The following RALGAPB variants were observed in gnomAD, a reference collection of about 807,000 sequenced individuals.
The protein encoded by RALGAPB is ral GTPase-activating protein subunit beta.
In RALGAPB, 25 loss-of-function variants were observed where a neutral mutation model predicts 161.1. The observed-to-expected ratio is 0.16, with a 90% CI of 0.11 to 0.22. RALGAPB has a LOEUF of 0.22. Among genes scored for constraint, RALGAPB ranks in the 10% least tolerant of loss-of-function variants. RALGAPB has a pLI of 1.00. For missense variants in RALGAPB, 1,391 were observed against 1,815.2 expected (o/e 0.77, Z 4.25); for synonymous variants, 629 against 626.1 (o/e 1.00, Z -0.07).
chr20:38,497,674 A>G (rs2085466895), intron 4 of RALGAPB, among the ~76,000 whole-genome samples, 158 bp downstream of exon 4: 1 of 152,230 alleles, frequency 6.6e-6, no homozygotes, highest in South Asian at 2.1e-4. Context: ...CAGGCACAAT[A>G]TAACTTTAGC....
At position 38,513,527 on chromosome 20, in the gene RALGAPB, G is replaced by A. The variant is rs553651321; in HGVS notation, c.873-2665G>A. On this transcript the variant is annotated intron_variant, in intron 6 of 29. Transcript: ENST00000262879. ...ATTAGCTGAGTATAGTGGTGCACCT[G>A]TAATCCTAGCTACTCAGGAGGCTGA... Among the ~76,000 whole-genome samples, 112 of 152,018 alleles carry A rather than the reference G, an allele frequency of 7.4e-4. 1 individual carries two copies. The highest frequency in any genetic ancestry group is 2.6e-3 in the African/African-American group (106 of 41,466).
intron 26 of RALGAPB, 106 bp downstream of exon 26, chr20:38,567,338 A>G (rs747937776): frequency 6.5e-6 from 9 of 1,384,452 alleles, no homozygotes; most frequent in Middle Eastern, 1.9e-4. Flanking sequence ...ATATCAGAGT[A>G]CTGATTCCTT....
chr20:38,558,184 T>G, intron 22 of RALGAPB, 111 bp from the exon 23 acceptor site: 3 of 922,988 alleles, frequency 3.3e-6, no homozygotes, highest in Admixed American at 6.0e-5. Flanking sequence ...ATTCCTACCA[T>G]TCTATATTTT....
chr20:38,558,261 G>A, intron 22 of RALGAPB, 34 bp from the exon 23 acceptor site: 3 of 1,445,692 alleles, frequency 2.1e-6, no homozygotes, highest in Non-Finnish European at 2.8e-6. Flanking sequence ...AAAGAAAATA[G>A]GTAATAATTG....
At chr20:38,499,420 A>G in intron 4 of RALGAPB, 27 bp from the exon 5 acceptor site, 1 of 1,551,070 alleles carries the variant, frequency 6.4e-7, no homozygotes, top group Non-Finnish European at 8.7e-7. Context: ...AAGTTTGCCA[A>G]AGATGTGTTT....
chr20:38,544,598 C>G (rs1601004425), intron 18 of RALGAPB, among the ~76,000 whole-genome samples: 1 of 152,074 alleles, frequency 6.6e-6, no homozygotes, highest in Non-Finnish European at 1.5e-5. Flanking sequence ...TTCCCGAGTA[C>G]CTGGGACTAC....
chr20:38,517,598 C>T lies in RALGAPB; in HGVS notation c.1144C>T (p.His382Tyr), dbSNP rs1349483644. The part of the protein sequence containing the change: ...QSAAVSTTPP[H>Y]NRRHRAVTVN... ...TGCTGCTGTCAGTACCACCCCCCCACATAACCGGAGGCACCGGGCTGTTAC... is the reference window on the plus strand; with the variant it reads ...TGCTGCTGTCAGTACCACCCCCCCATATAACCGGAGGCACCGGGCTGTTAC... The change falls in exon 8 of 30, where the codon CAT (histidine) becomes TAT (tyrosine). Residue 382 changes from histidine (H) to tyrosine (Y), a missense_variant. Physicochemically the swap from His to Tyr is moderately conservative, Grantham distance 83 (BLOSUM62 2). Transcript: ENST00000262879. The T allele has an allele frequency of 1.2e-6, 2 of 1,613,966 alleles. No individual in the cohort carries two copies. Among genetic ancestry groups the T allele is most frequent in the East Asian group, 2.2e-5 (1 of 44,888 alleles).
chr20:38,565,618 C>A, intron 25 of RALGAPB, 140 bp downstream of exon 25: 1 of 1,008,340 alleles, frequency 9.9e-7, no homozygotes, highest in Non-Finnish European at 1.4e-6. Context: ...TATGCAGAAG[C>A]ACAAGATGTC....
chr20:38,514,975 G>T (rs1329226465), intron 6 of RALGAPB, among the ~76,000 whole-genome samples: 1 of 152,164 alleles, frequency 6.6e-6, no homozygotes, highest in Non-Finnish European at 1.5e-5. Context: ...ATCATTCCTG[G>T]TTTACCTCTG....
intron 2 of RALGAPB, among the ~76,000 whole-genome samples, chr20:38,489,914 G>A (rs1464874032): frequency 6.6e-6 from 1 of 152,062 alleles, no homozygotes; most frequent in African/African-American, 2.4e-5. Flanking sequence ...GGAAGAGATG[G>A]TACGTGAGTA....
At chr20:38,493,652 A>G (rs1264209053) in intron 3 of RALGAPB, among the ~76,000 whole-genome samples, 1 of 152,236 alleles carries the variant, frequency 6.6e-6, no homozygotes, top group African/African-American at 2.4e-5. Context: ...AAGGAGCAGT[A>G]GAACATGTTT....
In RALGAPB at chr20:38,565,495, A is replaced by G. The variant is rs2087962996; in HGVS notation, c.3817+17A>G. The G allele has an allele frequency of 3.1e-6, 5 of 1,611,820 alleles. No homozygotes were observed. The highest frequency in any genetic ancestry group is 4.2e-6 in the Non-Finnish European group (5 of 1,178,702). On this transcript the variant is annotated intron_variant, in intron 25 of 29. Coordinates refer to ENST00000262879, the MANE Select transcript of RALGAPB (RefSeq NM_020336.4). ...AGTCCTTAAGTAAGATGATTTTTGC[A>G]TGGTCCTGTTTTAGGATCTATTTTT...
At chr20:38,570,298 C>T (rs749469428) in intron 27 of RALGAPB, among the ~76,000 whole-genome samples, 2 of 152,178 alleles carry the variant, frequency 1.3e-5, no homozygotes, top group African/African-American at 4.8e-5. Context: ...TCTCAGTCAT[C>T]CCAGGACCTT....
At chr20:38,556,978 A>G (rs1440192954) in intron 22 of RALGAPB, among the ~76,000 whole-genome samples, 1 of 152,210 alleles carries the variant, frequency 6.6e-6, no homozygotes, top group African/African-American at 2.4e-5. Context: ...GTCTTTTATT[A>G]GAATATTGCC....
At chr20:38,524,643 T>G (rs1228295127) in intron 10 of RALGAPB, 135 bp from the exon 11 acceptor site, 11 of 683,432 alleles carry the variant, frequency 1.6e-5, no homozygotes, top group Non-Finnish European at 2.0e-5. Context: ...TTCCAGTAAT[T>G]CCAATAATGT....
chr20:38,574,645 G>A, intron 29 of RALGAPB, 129 bp from the exon 30 acceptor site: 1 of 900,430 alleles, frequency 1.1e-6, no homozygotes, highest in Non-Finnish European at 1.7e-6. Flanking sequence ...TATCTCTCTG[G>A]GGATGGGAAG....
intron 2 of RALGAPB, among the ~76,000 whole-genome samples, chr20:38,492,208 C>T (rs1455032111): frequency 6.6e-6 from 1 of 152,166 alleles, no homozygotes; most frequent in Non-Finnish European, 1.5e-5. Flanking sequence ...TTTTTATAAA[C>T]CAGTGACTTG....
At chr20:38,508,753 T>C (rs1329133894) in intron 5 of RALGAPB, among the ~76,000 whole-genome samples, 4 of 152,178 alleles carry the variant, frequency 2.6e-5, no homozygotes, top group African/African-American at 9.7e-5. Flanking sequence ...CTTGAAAGTC[T>C]CCAATTTGTT....
chr20:38,508,323 G>A (rs1174220192), intron 5 of RALGAPB, among the ~76,000 whole-genome samples: 1 of 151,908 alleles, frequency 6.6e-6, no homozygotes, highest in Non-Finnish European at 1.5e-5. Context: ...CTATAAAAAG[G>A]TCATAAAGAA....
Sources: allele counts gnomAD v4.1 joint callset (sites outside exome capture counted in the v4.1 genomes callset), GRCh38; gene constraint gnomAD v4.1.1; transcripts MANE v1.5; gene names NCBI Gene and HGNC (gene_info 2026-07-23, HGNC 2026-07-21).